PTPRM: variants seen among roughly 807,000 people sequenced by gnomAD.
PTPRM encodes the protein protein tyrosine phosphatase receptor type M, also known as receptor-type tyrosine-protein phosphatase mu.
A neutral mutation model predicts 186.7 loss-of-function variants in PTPRM; 47 were observed. The observed-to-expected ratio is 0.25, with a 90% CI of 0.20 to 0.32. PTPRM has a LOEUF of 0.32. Ranked by LOEUF, PTPRM falls within the 10% of genes least tolerant of loss-of-function variation. The pLI, the probability that PTPRM is intolerant of heterozygous loss-of-function variation, is 1.00. For missense variants in PTPRM, 1,494 were observed against 1,865.0 expected, an observed-to-expected ratio of 0.80 and a Z score of 3.66; for synonymous variants, 668 against 674.9, an observed-to-expected ratio of 0.99 and a Z score of 0.16.
intron 2 of PTPRM, among the ~76,000 whole-genome samples, chr18:7,811,566 A>G (rs2044519240): frequency 6.6e-6 from 1 of 152,066 alleles, no homozygotes; most frequent in Admixed American, 6.6e-5. Flanking sequence ...AAGTCTTGCT[A>G]TGTTGCCTAA....
intron 1 of PTPRM, among the ~76,000 whole-genome samples, chr18:7,739,312 G>A (rs1361298040): frequency 6.6e-6 from 1 of 152,058 alleles, no homozygotes; most frequent in Non-Finnish European, 1.5e-5. Context: ...CTTTCAGTTG[G>A]TTGTTGTCAA....
chr18:8,156,546 AC>A (rs1384794493), intron 14 of PTPRM, among the ~76,000 whole-genome samples: 1 of 152,186 alleles, frequency 6.6e-6, no homozygotes, highest in Admixed American at 6.5e-5. Context: ...TAGCTTAAGA[AC>A]CCAGCAGTTG....
intron 1 of PTPRM, among the ~76,000 whole-genome samples, chr18:7,677,479 C>T (rs1359384599): frequency 6.6e-6 from 1 of 152,132 alleles, no homozygotes; most frequent in African/African-American, 2.4e-5. Context: ...GCAGAAGGGC[C>T]ACTGTTTACA....
intron 5 of PTPRM, among the ~76,000 whole-genome samples, chr18:7,930,157 C>T (rs955093768): frequency 1.3e-5 from 2 of 152,058 alleles, no homozygotes; most frequent in African/African-American, 4.8e-5. Flanking sequence ...CAGCCTCGAC[C>T]ACCTGGGCTT....
chr18:8,372,339 G>A lies in PTPRM; in HGVS notation c.3171+1333G>A, dbSNP rs536845505. ...TCCACCCGCCTCGGCCTCCCAAAGT[G>A]CTGGGATTACAGGCGTGAGCCACCG... On this transcript the variant is annotated intron_variant, in intron 24 of 32. Transcript: ENST00000580170. Among the ~76,000 whole-genome samples the A allele has an allele frequency of 2.6e-3, 398 of 151,812 alleles. 18 individuals are homozygous for A. The highest frequency in any genetic ancestry group is 9.3e-3 in the African/African-American group (384 of 41,410).
chr18:8,160,185 A>G (rs574338610), intron 14 of PTPRM, among the ~76,000 whole-genome samples: 2 of 152,302 alleles, frequency 1.3e-5, no homozygotes, highest in Admixed American at 6.5e-5. Context: ...ACCAACATCA[A>G]TTGAGATTAA....
intron 4 of PTPRM, among the ~76,000 whole-genome samples, chr18:7,924,821 C>A (rs1342053286): frequency 1.3e-5 from 2 of 152,144 alleles, no homozygotes; most frequent in Admixed American, 6.5e-5. Flanking sequence ...GCAGGCAGAC[C>A]CAGGGGAGCC....
At chr18:7,956,347 A>G (rs1342350393) in intron 7 of PTPRM, among the ~76,000 whole-genome samples, 1 of 152,268 alleles carries the variant, frequency 6.6e-6, no homozygotes, top group East Asian at 1.9e-4. Context: ...AAGAGAAATT[A>G]TTAAACCTTA....
Position 8,376,139 on chromosome 18 carries a change from T to C in PTPRM, c.3265T>C (p.Phe1089Leu), listed in dbSNP as rs772915886. ...VPYHATGLLG[F>L]VRQVKSKSPP... is the part of the protein sequence containing the mutation. The stretch of plus-strand genomic sequence containing the variant: ...CTACCATGCCACCGGCCTGCTGGGA[T>C]TCGTGCGGCAAGTCAAGTCCAAGAG... Residue 1089 changes from phenylalanine to leucine, a missense_variant, in exon 25 of 33, where the codon TTC (phenylalanine) becomes CTC (leucine). Around this residue, in one of 3 missense-constraint regions of PTPRM, gnomAD observed 1,107 missense variants for 1,350.2 expected, o/e 0.82. Coordinates refer to ENST00000580170, the MANE Select transcript of PTPRM (RefSeq NM_001105244.2). 1.2e-6 allele frequency: 2 copies of C among 1,613,952 alleles called. No homozygotes were observed. The highest frequency in any genetic ancestry group is 1.7e-6 in the Non-Finnish European group (2 of 1,180,002).
chr18:8,344,506 C>T (rs778838273), intron 23 of PTPRM, among the ~76,000 whole-genome samples: 2 of 146,198 alleles, frequency 1.4e-5, no homozygotes, highest in African/African-American at 2.6e-5. Flanking sequence ...ACCTGAAAAT[C>T]CCCCTACAGA....
At chr18:8,261,236 G>A (rs2094628179) in intron 19 of PTPRM, among the ~76,000 whole-genome samples, 2 of 152,170 alleles carry the variant, frequency 1.3e-5, no homozygotes. Flanking sequence ...ACCATTGAAG[G>A]CTAAGGATGG....
intron 2 of PTPRM, among the ~76,000 whole-genome samples, chr18:7,787,890 C>G (rs1478734883): frequency 1.3e-5 from 2 of 152,204 alleles, no homozygotes; most frequent in Non-Finnish European, 2.9e-5. Context: ...AACATCTCTT[C>G]CATTGGGCAT....
intron 19 of PTPRM, 25 bp from the exon 20 acceptor site, chr18:8,296,343 A>C: frequency 6.7e-7 from 1 of 1,491,234 alleles, no homozygotes. Flanking sequence ...CCAAATTGTA[A>C]TTCTCAGTCT....
intron 6 of PTPRM, among the ~76,000 whole-genome samples, chr18:7,952,200 G>T (rs902631705): frequency 1.3e-5 from 2 of 152,208 alleles, no homozygotes; most frequent in African/African-American, 4.8e-5. Context: ...GCATTTACAT[G>T]TGCGTATCCA....
rs751741583 is a variant in PTPRM, at chr18:8,253,236, A to G, written c.2576A>G (p.His859Arg). Residue 859 changes from histidine to arginine, a missense_variant, in exon 19 of 33, where the codon CAC becomes CGC. Around this residue, in one of 3 missense-constraint regions of PTPRM, gnomAD observed 1,107 missense variants for 1,350.2 expected, o/e 0.82. Coordinates refer to ENST00000580170, the MANE Select transcript of PTPRM (RefSeq NM_001105244.2). ...AILVPINDET[H>R]TMASDTSSLV... is the part of the protein sequence containing the mutation. ...GGCCTTCTTTTCCTAGATGAAACCC[A>G]CACAATGGCCAGCGATACCAGCAGC... 6.7e-7 allele frequency: 1 copy of G among 1,499,906 alleles called. No homozygotes were observed. Among genetic ancestry groups the G allele is most frequent in the Non-Finnish European group, 8.9e-7 (1 of 1,119,848 alleles). 92.9% of individuals were successfully genotyped at this position (1,499,906 alleles called of 1,614,324 possible).
chr18:8,286,492 C>T (rs1310112181), intron 19 of PTPRM, among the ~76,000 whole-genome samples: 2 of 152,220 alleles, frequency 1.3e-5, no homozygotes. Context: ...TTTAGAATCT[C>T]ATATTTACTC....
intron 1 of PTPRM, among the ~76,000 whole-genome samples, chr18:7,714,930 C>T (rs776811923): frequency 2.0e-4 from 30 of 151,868 alleles, no homozygotes; most frequent in African/African-American, 3.6e-4. Context: ...CCGAATTCTA[C>T]GAGAGGTACA....
chr18:8,055,225 A>G (rs73385699), intron 7 of PTPRM, among the ~76,000 whole-genome samples: 8,808 of 152,204 alleles, frequency 0.058, 633 homozygotes, highest in African/African-American at 0.17. Context: ...CCTCTCCTCT[A>G]TTCCCTGTGT....
rs1321322457 is a variant in PTPRM, at chr18:7,974,094, G to C, written c.1132+18680G>C. On this transcript the variant is annotated intron_variant, in intron 7 of 32. Coordinates refer to ENST00000580170, the MANE Select transcript of PTPRM (RefSeq NM_001105244.2). ...ACCTTTGCATTTTGCTTGACGTGGA[G>C]CCTGAGAATGTGGCAGGCAGCATGT... Among the ~76,000 whole-genome samples the C allele has an allele frequency of 2.0e-5, 3 of 152,086 alleles. No homozygotes were observed. In the East Asian group the frequency reaches 5.8e-4, roughly 29 times the overall value.
Sources: gnomAD v4.1 joint callset for allele counts (sites outside exome capture counted in the v4.1 genomes callset) on GRCh38, gnomAD v4.1.1 for gene constraint, gnomAD v4.1.1 regional missense constraint, MANE v1.5 for transcripts, NCBI Gene and HGNC (gene_info 2026-07-23, HGNC 2026-07-21) for gene names.